The following GCNT4 variants were observed in gnomAD, a reference collection of about 807,000 sequenced individuals.
The protein encoded by GCNT4 is beta-1,3-galactosyl-O-glycosyl-glycoprotein beta-1,6-N-acetylglucosaminyltransferase 4.
GCNT4 carries 17 observed loss-of-function variants against 31.3 expected under a neutral mutation model. That is an observed-to-expected ratio of 0.54 (90% CI 0.37 to 0.81). The LOEUF (loss-of-function observed/expected upper bound fraction) is 0.81. Among genes scored for constraint, GCNT4 ranks in the 40% least tolerant of loss-of-function variants. GCNT4 has a pLI of 0.00. For synonymous variants in GCNT4, 158 were observed against 190.6 expected, an observed-to-expected ratio of 0.83 and a Z score of 1.41; for missense variants, 503 against 525.5, an observed-to-expected ratio of 0.96 and a Z score of 0.42.
intron 2 of GCNT4, 61 bp from the exon 3 acceptor site, chr5:75,048,098 T>C (rs1743484023): frequency 1.3e-5 from 2 of 152,124 alleles, no homozygotes; most frequent in South Asian, 2.1e-4. Flanking sequence ...ATGCAAACAA[T>C]GATTGCACTG....
chr5:75,047,866 T>C (rs979614402), intron 3 of GCNT4, 31 bp downstream of exon 3: 4 of 152,188 alleles, frequency 2.6e-5, no homozygotes, highest in African/African-American at 9.7e-5. Flanking sequence ...TGAATTCATC[T>C]TAATCTGACT....
intron 3 of GCNT4, among the ~76,000 whole-genome samples, chr5:75,046,401 G>A (rs1293743269): frequency 2.0e-5 from 3 of 152,162 alleles, no homozygotes; most frequent in Admixed American, 6.5e-5. Context: ...AGAAAAAAAG[G>A]AGCCTTGGCA....
intron 3 of GCNT4, among the ~76,000 whole-genome samples, chr5:75,037,641 G>A (rs1252143997): frequency 6.6e-6 from 1 of 152,058 alleles, no homozygotes; most frequent in Non-Finnish European, 1.5e-5. Flanking sequence ...GAGGCAGACT[G>A]GCCTGAGTGC....
At chr5:75,017,356 T>A in the GCNT4 span, 1 of 152,158 alleles carries the variant, frequency 6.6e-6, no homozygotes, top group East Asian at 1.9e-4. Flanking sequence ...AACTGGGGCA[T>A]CTGGAATTTT....
At chr5:75,032,877 GTGTGTGTGTGT>G (rs1743099840) in intron 3 of GCNT4, among the ~76,000 whole-genome samples, 22 of 76,614 alleles carry the variant, frequency 2.9e-4, no homozygotes, top group Admixed American at 9.7e-4. Context: ...ATAGGGGTGT[GTGTGTGTGTGT>G]GTGTGTGTGT....
chr5:75,034,220 G>A (rs1743147366), intron 3 of GCNT4, among the ~76,000 whole-genome samples: 2 of 152,216 alleles, frequency 1.3e-5, no homozygotes, highest in African/African-American at 2.4e-5. Flanking sequence ...CCCCAACCTT[G>A]GTTCAGCTGG....
intron 3 of GCNT4, among the ~76,000 whole-genome samples, chr5:75,043,918 TCATC>T (rs1268440326): frequency 6.6e-6 from 1 of 152,236 alleles, no homozygotes; most frequent in Non-Finnish European, 1.5e-5. Context: ...GCTGAACTTC[TCATC>T]CATCTATATT....
rs1023361960 is a variant in GCNT4 at position 75,027,345 on chromosome 5, T to C, written c.*1331A>G. On this transcript the variant is annotated 3_prime_UTR_variant, in exon 4 of 4. Transcript: ENST00000652361. ...AATATATATTCATATACAATATATGTATATATAATATATATATTTATATAT... is the reference window on the plus strand; with the variant it reads ...AATATATATTCATATACAATATATGCATATATAATATATATATTTATATAT... 6.3e-5 allele frequency: 1 copy of C among 15,866 alleles called. No individual in the cohort carries two copies. The highest frequency in any genetic ancestry group is 4.5e-4 in the African/African-American group (1 of 2,222). 1.0% of individuals were successfully genotyped at this position (15,866 alleles called of 1,614,324 possible). A position where few individuals can be genotyped will look rare whatever the true frequency, so the allele number is the denominator to read the frequency against.
At chr5:75,039,198 T>G (rs765437539) in intron 3 of GCNT4, among the ~76,000 whole-genome samples, 7 of 152,100 alleles carry the variant, frequency 4.6e-5, no homozygotes, top group Non-Finnish European at 1.0e-4. Context: ...GATTCTCCTC[T>G]CCTGCCTCAG....
chr5:75,040,338 G>T lies in GCNT4; in HGVS notation c.-2+7559C>A, dbSNP rs372391160. 2.9e-4 allele frequency among the ~76,000 whole-genome samples: 44 copies of T among 152,202 alleles called. No individual in the cohort carries two copies. The South Asian group carries it at 6.9e-3, about 24-fold the overall frequency. On this transcript the variant is annotated intron_variant, in intron 3 of 3. Coordinates refer to ENST00000652361, the MANE Select transcript of GCNT4 (RefSeq NM_001366737.1). ...TTTTCTTCTGAGCACTTGCTACAAG[G>T]AGTAGTTACTTTACTTGTTTAGTAC...
downstream of GCNT4, among the ~76,000 whole-genome samples, chr5:75,023,414 T>G (rs1057087422): frequency 2.0e-5 from 3 of 152,098 alleles, no homozygotes; most frequent in African/African-American, 7.2e-5. Context: ...AATTAAAAAC[T>G]CCATTCTCTT....
intron 3 of GCNT4, among the ~76,000 whole-genome samples, chr5:75,037,920 AAAAC>A (rs574602927): frequency 8.0e-5 from 12 of 149,544 alleles, no homozygotes; most frequent in Admixed American, 6.7e-4. Flanking sequence ...AAAAAACAGA[AAAAC>A]AAAAAAACCC....
At chr5:75,018,688 G>A in the GCNT4 span, among the ~76,000 whole-genome samples, 3 of 152,188 alleles carry the variant, frequency 2.0e-5, no homozygotes, top group African/African-American at 4.8e-5. Context: ...GGTTTAATTA[G>A]TCTGGATTGA....
intron 2 of GCNT4, among the ~76,000 whole-genome samples, chr5:75,048,608 G>A (rs1206300103): frequency 6.6e-6 from 1 of 152,242 alleles, no homozygotes; most frequent in East Asian, 1.9e-4. Flanking sequence ...CAAAGCTGCA[G>A]AATGCGAAAG....
rs76346451 is a variant in GCNT4 at position 75,037,904 on chromosome 5, A to G, written c.-1-7866T>C. On this transcript the variant is annotated intron_variant, in intron 3 of 3. Transcript: ENST00000652361. Reference sequence around the variant, plus strand: ...AAACAAAAACAAAACAAAAAACAAAAAAAACAAAAAACAGAAAAACAAAAA... The same window carrying G: ...AAACAAAAACAAAACAAAAAACAAAGAAAACAAAAAACAGAAAAACAAAAA... Among the ~76,000 whole-genome samples the G allele has an allele frequency of 5.7e-3, 869 of 151,536 alleles. 6 individuals are homozygous for G. Among genetic ancestry groups the G allele is most frequent in the Non-Finnish European group, 9.8e-3 (668 of 67,946 alleles).
At chr5:75,051,793 GAA>G (rs1743575826) in intron 2 of GCNT4, among the ~76,000 whole-genome samples, 1 of 152,118 alleles carries the variant, frequency 6.6e-6, no homozygotes, top group South Asian at 2.1e-4. Flanking sequence ...TTCCCCCAAA[GAA>G]AAGAGTATAA....
the GCNT4 span, among the ~76,000 whole-genome samples, chr5:75,017,240 C>CT: frequency 1.3e-5 from 2 of 152,218 alleles, no homozygotes; most frequent in South Asian, 2.1e-4. Context: ...GAAGCCACAG[C>CT]TTTTTTCCCC....
At chr5:75,050,277 T>C (rs111818169) in intron 2 of GCNT4, among the ~76,000 whole-genome samples, 14 of 152,318 alleles carry the variant, frequency 9.2e-5, no homozygotes, top group African/African-American at 3.4e-4. Flanking sequence ...TTCTGTAAGA[T>C]GTTGACAGTT....
At chr5:75,039,082 G>T (rs78535539) in intron 3 of GCNT4, among the ~76,000 whole-genome samples, 11,047 of 150,578 alleles carry the variant, frequency 0.073, 464 homozygotes, top group Middle Eastern at 0.097. Context: ...GTTTTTTTTT[G>T]TTTTGTTTTG....
Sources: allele counts gnomAD v4.1 joint callset (sites outside exome capture counted in the v4.1 genomes callset), GRCh38; gene constraint gnomAD v4.1.1; transcripts MANE v1.5; gene names NCBI Gene and HGNC (gene_info 2026-07-23, HGNC 2026-07-21).